Variants in TTLL11 observed in about 807,000 individuals in gnomAD.
TTLL11 encodes the protein tubulin polyglutamylase TTLL11.
TTLL11 carries 42 observed loss-of-function variants against 51.7 expected under a neutral mutation model. The observed-to-expected ratio is 0.81, with a 90% CI of 0.64 to 1.05. The LOEUF is 1.05. Among genes scored for constraint, TTLL11 ranks in the 50% least tolerant of loss-of-function variants. The pLI is 0.00. For synonymous variants in TTLL11, 381 were observed against 383.5 expected (o/e 0.99, Z 0.08); for missense variants, 799 against 940.4 (o/e 0.85, Z 1.97).
At chr9:121,974,242 A>C in intron 5 of TTLL11, 118 bp from the exon 6 acceptor site, 1 of 569,286 alleles carries the variant, frequency 1.8e-6, no homozygotes, top group African/African-American at 1.9e-5. Flanking sequence ...TATAGAAGAA[A>C]ATTTTTAAAG....
intron 6 of TTLL11, among the ~76,000 whole-genome samples, chr9:121,871,442 A>G (rs1384432163): frequency 6.6e-6 from 1 of 152,076 alleles, no homozygotes; most frequent in Non-Finnish European, 1.5e-5. Flanking sequence ...CGTCACAACC[A>G]TCTGCCAGTT....
Position 121,817,458 on chromosome 9 carries a change from A to T in TTLL11, c.*5129T>A, listed in dbSNP as rs975259958. The T allele has an allele frequency of 2.6e-5, 4 of 152,190 alleles. No individual in the cohort carries two copies. Among genetic ancestry groups the T allele is most frequent in the African/African-American group, 9.7e-5 (4 of 41,450 alleles). 9.4% of individuals were successfully genotyped at this position (152,190 alleles called of 1,614,324 possible). A position where few individuals can be genotyped will look rare whatever the true frequency, so the allele number is the denominator to read the frequency against. On this transcript the variant is annotated 3_prime_UTR_variant, in exon 9 of 9. Coordinates refer to ENST00000321582, the MANE Select transcript of TTLL11 (RefSeq NM_001139442.2). ...TTTGAGCAGCGCCTTCGTTTACAAA[A>T]CACTTTCACATTGATGACATTTTCT...
At chr9:121,887,784 C>T (rs1184397663) in intron 6 of TTLL11, among the ~76,000 whole-genome samples, 1 of 152,198 alleles carries the variant, frequency 6.6e-6, no homozygotes, top group Non-Finnish European at 1.5e-5. Context: ...AAGCTGTCCC[C>T]CGTCCTTTCT....
chr9:121,835,121 CG>C (rs1837148613), intron 8 of TTLL11, among the ~76,000 whole-genome samples: 1 of 152,078 alleles, frequency 6.6e-6, no homozygotes, highest in Non-Finnish European at 1.5e-5. Flanking sequence ...AGGGGCTGGA[CG>C]GAGTGATCTC....
intron 1 of TTLL11, among the ~76,000 whole-genome samples, chr9:122,076,539 T>A (rs1398863653): frequency 6.6e-6 from 1 of 152,068 alleles, no homozygotes; most frequent in Admixed American, 6.5e-5. Flanking sequence ...AAGTATGGAG[T>A]CAGAATTCAT....
In TTLL11 at chr9:121,989,863, G is replaced by C; in HGVS notation, c.694-93C>G. ...GCCTTAGCAAATGTGTGGTGAATGA[G>C]TGACAAGATGATCCCTGCCGATCTG... On this transcript the variant is annotated intron_variant, in intron 3 of 8. Coordinates refer to ENST00000321582, the MANE Select transcript of TTLL11 (RefSeq NM_001139442.2). This position sits in a 1 kb window ranked among gnomAD's most constrained non-coding sequence, Gnocchi z 4.2. The C allele has an allele frequency of 1.3e-6, 2 of 1,510,430 alleles. No individual in the cohort carries two copies. Among genetic ancestry groups the C allele is most frequent in the Middle Eastern group, 1.9e-4 (1 of 5,332 alleles). The allele number at this position is 1,510,430 out of a possible 1,614,324, so 93.6% of individuals were successfully genotyped here.
rs151041961 is a variant in TTLL11, at chr9:121,933,292, G to A, written c.1481+40717C>T. 7.2e-5 allele frequency among the ~76,000 whole-genome samples: 11 copies of A among 152,304 alleles called. 1 individual carries two copies. Among genetic ancestry groups the A allele is most frequent in the African/African-American group, 2.4e-4 (10 of 41,556 alleles). On this transcript the variant is annotated intron_variant, in intron 6 of 8. Coordinates refer to ENST00000321582, the MANE Select transcript of TTLL11 (RefSeq NM_001139442.2). Reference sequence around the variant, plus strand: ...AGAGAACGCTCTCCCGGGCTGTGACGGTAAGAGCGAGGAGAGGTGAATTAC... The same window carrying A: ...AGAGAACGCTCTCCCGGGCTGTGACAGTAAGAGCGAGGAGAGGTGAATTAC...
At chr9:121,859,717 C>T (rs1391525931) in intron 8 of TTLL11, among the ~76,000 whole-genome samples, 1 of 152,154 alleles carries the variant, frequency 6.6e-6, no homozygotes, top group Non-Finnish European at 1.5e-5. Flanking sequence ...TTGCTCCAGC[C>T]CATCTGGGCT....
intron 1 of TTLL11, among the ~76,000 whole-genome samples, chr9:122,088,954 G>T (rs952338677): frequency 6.7e-6 from 1 of 149,398 alleles, no homozygotes; most frequent in African/African-American, 2.5e-5. Context: ...TGTAGTGAGA[G>T]TGCAGTGAGC....
At chr9:121,830,949 G>T (rs1002710571) in intron 8 of TTLL11, among the ~76,000 whole-genome samples, 1 of 152,190 alleles carries the variant, frequency 6.6e-6, no homozygotes, top group African/African-American at 2.4e-5. Flanking sequence ...ATCCATTCAG[G>T]GGTTACTGCA....
chr9:121,840,698 T>G (rs753823802), intron 8 of TTLL11, among the ~76,000 whole-genome samples: 1 of 152,106 alleles, frequency 6.6e-6, no homozygotes, highest in African/African-American at 2.4e-5. Context: ...GCCCAGCTGA[T>G]CATACAGTTT....
intron 6 of TTLL11, among the ~76,000 whole-genome samples, chr9:121,949,591 G>T (rs1322912995): frequency 6.6e-6 from 1 of 152,106 alleles, no homozygotes; most frequent in African/African-American, 2.4e-5. Flanking sequence ...GGGCCACACA[G>T]TCAGTGCAAA....
chr9:121,914,678 G>A (rs115283235), intron 6 of TTLL11, among the ~76,000 whole-genome samples: 1 of 152,112 alleles, frequency 6.6e-6, no homozygotes, highest in Non-Finnish European at 1.5e-5. Context: ...ATGTCATGCG[G>A]CCCCCTCCAT....
chr9:121,964,301 GT>G (rs1491079834), intron 6 of TTLL11, among the ~76,000 whole-genome samples: 1 of 134,570 alleles, frequency 7.4e-6, no homozygotes, highest in Non-Finnish European at 1.5e-5. Context: ...TTTGTTTTTT[GT>G]TTTTTGTTTT....
At chr9:122,037,051 C>T (rs1206319433) in intron 2 of TTLL11, among the ~76,000 whole-genome samples, 1 of 152,106 alleles carries the variant, frequency 6.6e-6, no homozygotes, top group Non-Finnish European at 1.5e-5. Context: ...TTTGTGGGTA[C>T]TTCATTCTAT....
intron 1 of TTLL11, among the ~76,000 whole-genome samples, chr9:122,045,424 G>A (rs1216415714): frequency 3.3e-5 from 5 of 152,080 alleles, no homozygotes; most frequent in Admixed American, 6.5e-5. Context: ...GTCGTGGCGC[G>A]CCTGTAATTC....
At position 121,818,434 on chromosome 9, in the gene TTLL11, G is replaced by A. The variant is rs1001394173; in HGVS notation, c.*4153C>T. On this transcript the variant is annotated 3_prime_UTR_variant, in exon 9 of 9. Transcript: ENST00000321582. ...GTGTGGTAACACTGTCTCCTCTCCC[G>A]GGTTCTGCTAAACGTTCCTATTCAC... is the stretch of plus-strand genomic sequence containing the variant. 7.3e-6 allele frequency: 1 copy of A among 137,766 alleles called. No homozygotes were observed. The highest frequency in any genetic ancestry group is 2.1e-4 in the South Asian group (1 of 4,696). The allele number at this position is 137,766 out of a possible 1,614,324, so 8.5% of individuals were successfully genotyped here.
At chr9:122,067,628 G>T (rs576176403) in intron 1 of TTLL11, among the ~76,000 whole-genome samples, 1 of 152,088 alleles carries the variant, frequency 6.6e-6, no homozygotes, top group African/African-American at 2.4e-5. Flanking sequence ...TCAGTCTCCC[G>T]GGTAGCTGGG....
chr9:122,049,631 A>G (rs986770115), intron 1 of TTLL11, among the ~76,000 whole-genome samples: 14 of 152,192 alleles, frequency 9.2e-5, no homozygotes, highest in African/African-American at 3.1e-4. Flanking sequence ...AGAACTAAAA[A>G]CAAACTTGCA....
Sources: allele counts gnomAD v4.1 joint callset (sites outside exome capture counted in the v4.1 genomes callset), GRCh38; gene constraint gnomAD v4.1.1; non-coding constraint Gnocchi (gnomAD v3.1); transcripts MANE v1.5; gene names NCBI Gene and HGNC (gene_info 2026-07-23, HGNC 2026-07-21).